Variants in ADH4 observed in about 807,000 individuals in gnomAD.
The protein encoded by ADH4 is alcohol dehydrogenase 4 (class II), pi polypeptide, also known as all-trans-retinol dehydrogenase [NAD(+)] ADH4.
Under a neutral mutation model 35.2 loss-of-function variants are expected in ADH4, and 31 were observed. That is an observed-to-expected ratio of 0.88 (90% CI 0.66 to 1.19). ADH4 has a LOEUF of 1.19. Among genes scored for constraint, ADH4 ranks in the 50% most tolerant of loss-of-function variants. The pLI is 0.00. For synonymous variants in ADH4, 171 were observed against 160.2 expected, an observed-to-expected ratio of 1.07 and a Z score of -0.51; for missense variants, 476 against 458.3, an observed-to-expected ratio of 1.04 and a Z score of -0.35.
intron 7 of ADH4, 68 bp from the exon 8 acceptor site, chr4:99,126,800 C>T: frequency 1.4e-6 from 2 of 1,439,682 alleles, no homozygotes; most frequent in Non-Finnish European, 1.9e-6. Context: ...TCAGCATTTG[C>T]TGAATGAATG....
At chr4:99,128,689 T>A (rs990342426) in intron 6 of ADH4, among the ~76,000 whole-genome samples, 1 of 152,142 alleles carries the variant, frequency 6.6e-6, no homozygotes, top group Non-Finnish European at 1.5e-5. Flanking sequence ...TGTGAAATGA[T>A]TTCATCTATA....
chr4:99,138,471 GTTAAA>G (rs1215408974), intron 4 of ADH4, among the ~76,000 whole-genome samples: 1 of 152,128 alleles, frequency 6.6e-6, no homozygotes, highest in Non-Finnish European at 1.5e-5. Flanking sequence ...TACTGCCGGG[GTTAAA>G]AACCTGGCTC....
chr4:99,136,783 G>T, intron 4 of ADH4, 86 bp from the exon 5 acceptor site: 3 of 849,520 alleles, frequency 3.5e-6, no homozygotes, highest in Non-Finnish European at 5.4e-6. Flanking sequence ...AATATGTTGA[G>T]CATTATATAT....
chr4:99,142,776 ATAACCT>A lies in ADH4; in HGVS notation c.19-2_22del, dbSNP rs1729672364. On this transcript the variant is annotated splice_acceptor_variant and coding_sequence_variant, in exon 2 of 9. Transcript: ENST00000265512. LOFTEE classifies it high-confidence loss of function. Reference sequence around the variant, plus strand: ...CCAGGCGATGGCTGCTTTGCATTTAATAACCTGAAAGAGAGAAAGAAAAGGAAGAGG... The same window carrying A: ...CCAGGCGATGGCTGCTTTGCATTTAAGAAAGAGAGAAAGAAAAGGAAGAGG... 3.7e-6 allele frequency: 6 copies of A among 1,600,312 alleles called. No homozygotes were observed. The East Asian group carries it at 1.3e-4, about 36-fold the overall frequency.
intron 1 of ADH4, chr4:99,143,335 C>T: frequency 1.5e-6 from 1 of 652,828 alleles, no homozygotes; most frequent in Non-Finnish European, 2.8e-6. Flanking sequence ...CCAGAGAATT[C>T]ATTAAAAGTC....
In ADH4 at chr4:99,127,269, A is replaced by G. The variant is rs775747592; in HGVS notation, c.919T>C (p.Leu307=). ...FIGVAAGSKG[L]TIFPEELIIG... ...ATTAGCTCCTCTGGAAAAATAGTCA[A>G]TCCTTTGCTACCAGCAGCTACTCCA... is the stretch of plus-strand genomic sequence containing the variant. The change falls in exon 7 of 9, where the codon TTG becomes CTG. Residue 307 remains leucine, a synonymous_variant. Transcript: ENST00000265512. 2.5e-6 allele frequency: 4 copies of G among 1,612,448 alleles called. No individual in the cohort carries two copies. Among genetic ancestry groups the G allele is most frequent in the Non-Finnish European group, 3.4e-6 (4 of 1,178,986 alleles).
At chr4:99,129,068 G>A (rs1416105660) in intron 6 of ADH4, among the ~76,000 whole-genome samples, 2 of 151,664 alleles carry the variant, frequency 1.3e-5, no homozygotes, top group African/African-American at 2.4e-5. Context: ...CCAAAGTGCT[G>A]GAATTACAGG....
intron 1 of ADH4, chr4:99,143,163 T>A (rs573619034): frequency 2.4e-5 from 17 of 701,968 alleles, no homozygotes; most frequent in Admixed American, 2.2e-4. Context: ...ACCTCTGAAT[T>A]ACCTGAGTCA....
At position 99,143,247 on chromosome 4, in the gene ADH4, A is replaced by T. The variant is rs763592992; in HGVS notation, c.19-467T>A. The T allele has an allele frequency of 2.4e-5, 17 of 701,696 alleles. No homozygotes were observed. In the South Asian group the frequency reaches 2.5e-4, roughly 10 times the overall value. 43.5% of individuals were successfully genotyped at this position (701,696 alleles called of 1,614,324 possible). On this transcript the variant is annotated intron_variant, in intron 1 of 8. Coordinates refer to ENST00000265512, the MANE Select transcript of ADH4 (RefSeq NM_000670.5). ...GTGGTCCTCGGACAAGCATTTATTCACATCACTTGGGAATTTGTTAGAGAT... is the reference window on the plus strand; with the variant it reads ...GTGGTCCTCGGACAAGCATTTATTCTCATCACTTGGGAATTTGTTAGAGAT...
Position 99,127,087 on chromosome 4 carries a change from A to C in ADH4, c.979+122T>G, listed in dbSNP as rs29001220. The C allele has an allele frequency of 6.0e-4, 367 of 615,730 alleles. 2 individuals carry two copies. The African/African-American group carries it at 6.3e-3, about 11-fold the overall frequency. The allele number at this position is 615,730 out of a possible 1,614,324, so 38.1% of individuals were successfully genotyped here. On this transcript the variant is annotated intron_variant, in intron 7 of 8. Coordinates refer to ENST00000265512, the MANE Select transcript of ADH4 (RefSeq NM_000670.5). ...TTAATAGTTTTTATGTAGTATTTGG[A>C]TATGCTCTAGGGATTCAATGGTTGA... is the stretch of plus-strand genomic sequence containing the variant.
At position 99,136,516 on chromosome 4, in the gene ADH4, G is replaced by A. The variant is rs767050817; in HGVS notation, c.532C>T (p.Leu178Phe). 5 of 1,614,040 alleles carry A rather than the reference G, an allele frequency of 3.1e-6. No homozygotes were observed. The South Asian group carries it at 4.4e-5, about 14-fold the overall frequency. Residue 178 changes from leucine (L) to phenylalanine (F), a missense_variant, in exon 5 of 9, where the codon CTT becomes TTT. By Grantham distance (22) the Leu-to-Phe change is conservative. Transcript: ENST00000265512. ...DDANLERVCL[L>F]GCGFSTGYGA... The stretch of plus-strand genomic sequence containing the variant: ...TAGCCAGTTGAAAACCCACATCCAA[G>A]CAGACAAACTCTCTCTAAATTTGCA...
intron 6 of ADH4, among the ~76,000 whole-genome samples, chr4:99,128,015 T>TTTTA (rs70955970): frequency 2.0e-5 from 3 of 151,962 alleles, no homozygotes; most frequent in Non-Finnish European, 4.4e-5. Context: ...TTTTTTTTTT[T>TTTTA]GACAAATAAG....
chr4:99,138,996 T>C, intron 4 of ADH4, 65 bp downstream of exon 4: 3 of 1,244,274 alleles, frequency 2.4e-6, no homozygotes, highest in South Asian at 1.4e-5. Flanking sequence ...ATTTAGGTAA[T>C]GTCAATATGC....
chr4:99,131,402 T>G (rs891654436), intron 6 of ADH4, 102 bp downstream of exon 6: 1 of 1,304,908 alleles, frequency 7.7e-7, no homozygotes, highest in Non-Finnish European at 1.0e-6. Context: ...TGTCATCCAT[T>G]TGAAAGTACT....
intron 6 of ADH4, among the ~76,000 whole-genome samples, chr4:99,128,810 T>TG (rs1729176977): frequency 8.4e-5 from 1 of 11,930 alleles, no homozygotes; most frequent in Non-Finnish European, 2.5e-4. Flanking sequence ...AATTGTATTA[T>TG]CTTTTTTTTG....
chr4:99,126,282 C>T (rs29001223), intron 8 of ADH4, among the ~76,000 whole-genome samples: 31,567 of 83,028 alleles, frequency 0.38, 3,996 homozygotes, highest in Non-Finnish European at 0.42. Context: ...GTACACTCTA[C>T]TAGAGGGATC....
At chr4:99,140,389 CA>C (rs2110504216) in intron 3 of ADH4, among the ~76,000 whole-genome samples, 1 of 152,242 alleles carries the variant, frequency 6.6e-6, no homozygotes, top group Non-Finnish European at 1.5e-5. Context: ...GCCTGGCCAA[CA>C]TGGTGAAACC....
rs764517169 is a variant in ADH4 at position 99,136,460 on chromosome 4, AT to A, written c.582+5del. On this transcript the variant is annotated splice_donor_5th_base_variant and intron_variant, in intron 5 of 8. Coordinates refer to ENST00000265512, the MANE Select transcript of ADH4 (RefSeq NM_000670.5). ...GTTTTACACAAACTGGTGTTTAACC[AT>A]TTACCTTGGCATTGTTGATTGCAGC... 2 of 1,612,234 alleles carry A rather than the reference AT, an allele frequency of 1.2e-6. No individual in the cohort carries two copies. The highest frequency in any genetic ancestry group is 1.7e-6 in the Non-Finnish European group (2 of 1,178,500).
intron 6 of ADH4, 120 bp from the exon 7 acceptor site, chr4:99,127,464 T>A: frequency 1.4e-6 from 1 of 701,460 alleles, no homozygotes; most frequent in Non-Finnish European, 2.2e-6. Context: ...GATAATGGGA[T>A]TCAAGCTAAT....
Sources: allele counts gnomAD v4.1 joint callset (sites outside exome capture counted in the v4.1 genomes callset), GRCh38; gene constraint gnomAD v4.1.1; transcripts MANE v1.5; gene names NCBI Gene and HGNC (gene_info 2026-07-23, HGNC 2026-07-21).